Variants in CCSER1 observed in about 807,000 individuals in gnomAD.
The protein encoded by CCSER1 is serine-rich coiled-coil domain-containing protein 1.
CCSER1 carries 41 observed loss-of-function variants against 82.0 expected under a neutral mutation model. The ratio of observed to expected loss-of-function variants is 0.50; its 90% CI spans 0.39 to 0.65. The LOEUF (loss-of-function observed/expected upper bound fraction) is 0.65, where lower values mean the gene tolerates loss of function less well. CCSER1 is among the 30% of genes least tolerant of loss of function. The pLI, the probability that CCSER1 is intolerant of heterozygous loss-of-function variation, is 0.00. For missense variants in CCSER1, 1,119 were observed against 1,064.2 expected (o/e 1.05, Z -0.72); for synonymous variants, 414 against 383.9 (o/e 1.08, Z -0.92).
At chr4:90,900,311 T>C (rs555551763) in intron 8 of CCSER1, among the ~76,000 whole-genome samples, 2 of 152,032 alleles carry the variant, frequency 1.3e-5, no homozygotes, top group South Asian at 4.1e-4. Context: ...TCAGTTGTAA[T>C]GTCACTTTTG....
At chr4:90,602,748 T>A (rs537197931) in intron 5 of CCSER1, among the ~76,000 whole-genome samples, 1 of 152,248 alleles carries the variant, frequency 6.6e-6, no homozygotes, top group East Asian at 1.9e-4. Flanking sequence ...ATGGGGACAA[T>A]ATAGAAGAGT....
intron 10 of CCSER1, among the ~76,000 whole-genome samples, chr4:91,147,558 A>G (rs1354934679): frequency 6.6e-6 from 1 of 152,184 alleles, no homozygotes; most frequent in African/African-American, 2.4e-5. Context: ...TCCTCCTCCA[A>G]TAGAGATCAG....
At chr4:91,491,737 T>G (rs2110071321) in intron 10 of CCSER1, among the ~76,000 whole-genome samples, 1 of 152,232 alleles carries the variant, frequency 6.6e-6, no homozygotes, top group African/African-American at 2.4e-5. Flanking sequence ...GAATATTTTT[T>G]CCTATTATTA....
intron 10 of CCSER1, among the ~76,000 whole-genome samples, chr4:91,367,686 C>T (rs1749731589): frequency 1.3e-5 from 2 of 152,088 alleles, no homozygotes. Flanking sequence ...TCTTCTTCAC[C>T]TTCCACTATT....
intron 9 of CCSER1, among the ~76,000 whole-genome samples, chr4:90,931,575 T>C (rs1376291250): frequency 6.6e-6 from 1 of 152,172 alleles, no homozygotes; most frequent in Admixed American, 6.6e-5. Flanking sequence ...AGATGGTATT[T>C]TGTTTTTCAC....
At chr4:90,724,034 A>G in intron 7 of CCSER1, 43 bp downstream of exon 7, 1 of 1,167,990 alleles carries the variant, frequency 8.6e-7, no homozygotes, top group Non-Finnish European at 1.2e-6. Context: ...AAATATTAGG[A>G]TAGTTAATAA....
chr4:90,276,350 T>TCTTTC (rs1727809329), intron 1 of CCSER1, among the ~76,000 whole-genome samples: 1 of 128,814 alleles, frequency 7.8e-6, no homozygotes, highest in Non-Finnish European at 1.6e-5. Flanking sequence ...CTTTCTTTCT[T>TCTTTC]TTTTTTTTTT....
chr4:91,527,422 G>A (rs1760820289), intron 10 of CCSER1, among the ~76,000 whole-genome samples: 1 of 152,108 alleles, frequency 6.6e-6, no homozygotes, highest in Non-Finnish European at 1.5e-5. Flanking sequence ...TTTGGATGAA[G>A]CAATTTTGTT....
intron 9 of CCSER1, among the ~76,000 whole-genome samples, chr4:91,055,276 A>G (rs1198960633): frequency 6.6e-6 from 1 of 152,168 alleles, no homozygotes; most frequent in Non-Finnish European, 1.5e-5. Context: ...GCTCCCTTAT[A>G]TCTATATCTT....
chr4:90,871,750 T>C (rs1766533840), intron 8 of CCSER1, among the ~76,000 whole-genome samples: 1 of 151,844 alleles, frequency 6.6e-6, no homozygotes, highest in African/African-American at 2.4e-5. Flanking sequence ...TCTCTAATGC[T>C]GAAAGTGGGG....
intron 10 of CCSER1, among the ~76,000 whole-genome samples, chr4:91,593,774 G>A (rs1764386540): frequency 6.6e-6 from 1 of 152,008 alleles, no homozygotes; most frequent in Admixed American, 6.6e-5. Flanking sequence ...ATGAGAGGCT[G>A]GTGTGACTTA....
intron 9 of CCSER1, among the ~76,000 whole-genome samples, chr4:91,067,238 G>A (rs2148755911): frequency 6.6e-6 from 1 of 151,918 alleles, no homozygotes; most frequent in South Asian, 2.1e-4. Context: ...GAGTGAATAA[G>A]CCAGAAAATA....
At chr4:90,762,414 T>C (rs1750546033) in intron 7 of CCSER1, among the ~76,000 whole-genome samples, 1 of 152,196 alleles carries the variant, frequency 6.6e-6, no homozygotes, top group Non-Finnish European at 1.5e-5. Flanking sequence ...ATCAGCAGCA[T>C]GAGGACAAAC....
At chr4:91,069,786 T>C (rs557267072) in intron 9 of CCSER1, among the ~76,000 whole-genome samples, 1 of 152,278 alleles carries the variant, frequency 6.6e-6, no homozygotes, top group South Asian at 2.1e-4. Context: ...GATAACCCTA[T>C]GACCTTGGGA....
chr4:90,269,022 C>T (rs1478437474), intron 1 of CCSER1, among the ~76,000 whole-genome samples: 1 of 152,046 alleles, frequency 6.6e-6, no homozygotes, highest in Non-Finnish European at 1.5e-5. Context: ...TACGTGCATT[C>T]AACACCAGAG....
chr4:90,876,467 T>G (rs888947897), intron 8 of CCSER1, among the ~76,000 whole-genome samples: 5 of 152,104 alleles, frequency 3.3e-5, no homozygotes, highest in African/African-American at 4.8e-5. Context: ...TAACATGATA[T>G]TTTAAGATTA....
At chr4:90,359,891 G>A (rs866182780) in intron 3 of CCSER1, among the ~76,000 whole-genome samples, 1 of 79,470 alleles carries the variant, frequency 1.3e-5, no homozygotes, top group Non-Finnish European at 2.3e-5. Flanking sequence ...ATATATATGT[G>A]TGTGTGTATA....
chr4:90,442,183 A>C (rs148494281), intron 4 of CCSER1, among the ~76,000 whole-genome samples: 137 of 152,172 alleles, frequency 9.0e-4, no homozygotes, highest in African/African-American at 3.0e-3. Context: ...CATCATTCTT[A>C]AGAGCTAAAA....
At chr4:90,205,362 G>A (rs1738593814) in intron 1 of CCSER1, among the ~76,000 whole-genome samples, 1 of 152,210 alleles carries the variant, frequency 6.6e-6, no homozygotes, top group East Asian at 1.9e-4. Flanking sequence ...TTTGAGATAG[G>A]TTCCCTCAAT....
Sources: gnomAD v4.1 joint callset for allele counts (sites outside exome capture counted in the v4.1 genomes callset) on GRCh38, gnomAD v4.1.1 for gene constraint, MANE v1.5 for transcripts, NCBI Gene and HGNC (gene_info 2026-07-23, HGNC 2026-07-21) for gene names.